The following NAA35 variants were observed in gnomAD, a reference collection of about 807,000 sequenced individuals.
NAA35 encodes the protein MAK10 homolog, amino-acid N-acetyltransferase subunit.
A neutral mutation model predicts 101.7 loss-of-function variants in NAA35; 18 were observed. The ratio of observed to expected loss-of-function variants is 0.18; its 90% CI spans 0.12 to 0.26. NAA35 has a LOEUF of 0.26. NAA35 is among the 10% of genes least tolerant of loss of function. The pLI is 1.00. For missense variants in NAA35, 601 were observed against 886.8 expected, an observed-to-expected ratio of 0.68 and a Z score of 4.09; for synonymous variants, 267 against 273.1, an observed-to-expected ratio of 0.98 and a Z score of 0.22.
chr9:85,957,199 A>G (rs571576703), intron 3 of NAA35, among the ~76,000 whole-genome samples: 1 of 152,352 alleles, frequency 6.6e-6, no homozygotes, highest in African/African-American at 2.4e-5. Flanking sequence ...TTTGTATGTC[A>G]TATGTGCCAT....
rs1168793456 is a variant in NAA35, at chr9:86,023,379, CAAAA to C, written c.*1423_*1426del. Among the ~76,000 whole-genome samples the C allele has an allele frequency of 4.6e-5, 7 of 151,152 alleles. No homozygotes were observed. Among genetic ancestry groups the C allele is most frequent in the Non-Finnish European group, 1.0e-4 (7 of 67,800 alleles). The stretch of plus-strand genomic sequence containing the variant: ...GCTGGTAATTACTGAATGCTTTAAA[CAAAA>C]AAAGGCAAAGGAATGGTAGGAAATA... On this transcript the variant is annotated 3_prime_UTR_variant, in exon 23 of 23. Coordinates refer to ENST00000361671, the MANE Select transcript of NAA35 (RefSeq NM_024635.4).
intron 15 of NAA35, among the ~76,000 whole-genome samples, chr9:86,010,605 C>T (rs1466746075): frequency 2.3e-4 from 32 of 138,010 alleles, no homozygotes; most frequent in African/African-American, 6.6e-4. Flanking sequence ...GACGGTGTCT[C>T]GCTCTGTGGC....
intron 2 of NAA35, among the ~76,000 whole-genome samples, chr9:85,949,483 C>A (rs943080264): frequency 2.6e-5 from 4 of 151,612 alleles, no homozygotes; most frequent in Admixed American, 2.0e-4. Flanking sequence ...TTAGTAGAGA[C>A]GGGGTTTCAC....
At chr9:86,017,311 G>A (rs1423408276) in intron 18 of NAA35, among the ~76,000 whole-genome samples, 187 bp from the exon 19 acceptor site, 2 of 152,086 alleles carry the variant, frequency 1.3e-5, no homozygotes, top group Non-Finnish European at 2.9e-5. Context: ...TAGCTATTTG[G>A]GGACATGATT....
At chr9:85,981,401 C>T (rs1424253316) in intron 11 of NAA35, among the ~76,000 whole-genome samples, 1 of 152,122 alleles carries the variant, frequency 6.6e-6, no homozygotes, top group Non-Finnish European at 1.5e-5. Context: ...AAGAATCTTC[C>T]AGATGATTGG....
At chr9:85,964,364 C>T (rs561037107) in intron 6 of NAA35, among the ~76,000 whole-genome samples, 23 of 152,148 alleles carry the variant, frequency 1.5e-4, no homozygotes, top group Non-Finnish European at 2.2e-4. Flanking sequence ...AAGCCTTCTT[C>T]GCTGTGACAC....
At position 85,996,656 on chromosome 9, in the gene NAA35, G is replaced by T. The variant is rs1831173391; in HGVS notation, c.1056+79G>T. 16 of 1,136,180 alleles carry T rather than the reference G, an allele frequency of 1.4e-5. No homozygotes were observed. The East Asian group carries it at 3.7e-4, about 26-fold the overall frequency. The allele number at this position is 1,136,180 out of a possible 1,614,324, so 70.4% of individuals were successfully genotyped here. On this transcript the variant is annotated intron_variant, in intron 12 of 22. Coordinates refer to ENST00000361671, the MANE Select transcript of NAA35 (RefSeq NM_024635.4). ...CATAATAATTGTACATATTTATGTGGTAACTTTGGTTTAACAACAGAATAA... is the reference window on the plus strand; with the variant it reads ...CATAATAATTGTACATATTTATGTGTTAACTTTGGTTTAACAACAGAATAA...
intron 22 of NAA35, among the ~76,000 whole-genome samples, chr9:86,021,424 G>A (rs1832548521): frequency 6.6e-6 from 1 of 152,170 alleles, no homozygotes; most frequent in Non-Finnish European, 1.5e-5. Flanking sequence ...CTGCGCTGTG[G>A]AGAGGCCAGC....
chr9:86,013,821 C>G lies in NAA35; in HGVS notation c.1492C>G (p.Arg498Gly). 6.2e-7 allele frequency: 1 copy of G among 1,613,920 alleles called. No homozygotes were observed. Among genetic ancestry groups the G allele is most frequent in the South Asian group, 1.1e-5 (1 of 91,076 alleles). The change falls in exon 17 of 23, where the codon CGC (arginine) becomes GGC (glycine). Residue 498 changes from arginine to glycine, a missense_variant. Coordinates refer to ENST00000361671, the MANE Select transcript of NAA35 (RefSeq NM_024635.4). ...LGTWVLYHNL[R>G]IMIQYLLSGF... is the part of the protein sequence containing the mutation. ...TACCTGGGTCCTTTACCATAACCTT[C>G]GCATTATGATACAGTACCTTCTAAG...
chr9:86,007,513 A>G (rs540892378), intron 14 of NAA35, 49 bp downstream of exon 14: 4 of 1,397,718 alleles, frequency 2.9e-6, no homozygotes, highest in Non-Finnish European at 2.0e-6. Flanking sequence ...CTCCTTTAAA[A>G]GCCCAACTTC....
At chr9:85,985,924 C>T (rs1830628558) in intron 11 of NAA35, among the ~76,000 whole-genome samples, 1 of 152,116 alleles carries the variant, frequency 6.6e-6, no homozygotes, top group African/African-American at 2.4e-5. Context: ...GGAAGATGTG[C>T]TCCATTAAAA....
In NAA35 at chr9:86,018,372, C is replaced by A; in HGVS notation, c.1891C>A (p.Pro631Thr). 6.2e-7 allele frequency: 1 copy of A among 1,613,520 alleles called. No individual in the cohort carries two copies. The highest frequency in any genetic ancestry group is 1.1e-5 in the South Asian group (1 of 91,024). The change falls in exon 20 of 23, where the codon CCA (proline) becomes ACA (threonine). Residue 631 changes from proline to threonine, a missense_variant. Around this residue, in one of 8 missense-constraint regions of NAA35, gnomAD observed 90 missense variants for 108.7 expected, o/e 0.83. Coordinates refer to ENST00000361671, the MANE Select transcript of NAA35 (RefSeq NM_024635.4). ...APFNSVMTPP[P>T]VHYLQFKEMS... ...ATTCAACAGTGTGATGACCCCGCCG[C>A]CAGTGCACTACTTACAGTTCAAGGT... is the stretch of plus-strand genomic sequence containing the variant.
chr9:85,965,435 C>A lies in NAA35; in HGVS notation c.516+3255C>A, dbSNP rs189187456. On this transcript the variant is annotated intron_variant, in intron 6 of 22. Transcript: ENST00000361671. ...TTGAGCTGAGGAGTTCGAGGCCAGC[C>A]TAGGCAACATATCCAGACCCTGTCT... Among the ~76,000 whole-genome samples, 41 of 152,190 alleles carry A rather than the reference C, an allele frequency of 2.7e-4. No individual in the cohort carries two copies. The East Asian group carries it at 5.2e-3, about 19-fold the overall frequency.
intron 2 of NAA35, among the ~76,000 whole-genome samples, chr9:85,952,926 T>C (rs1829082583): frequency 6.6e-6 from 1 of 152,202 alleles, no homozygotes; most frequent in African/African-American, 2.4e-5. Context: ...ATTTACCATC[T>C]TAGGCCAGGC....
intron 17 of NAA35, among the ~76,000 whole-genome samples, chr9:86,015,170 T>TA (rs1832146838): frequency 1.3e-5 from 2 of 152,220 alleles, no homozygotes; most frequent in African/African-American, 4.8e-5. Context: ...TATTTTTATA[T>TA]GCTTTTTTGC....
intron 11 of NAA35, chr9:85,986,739 C>A (rs192115757): frequency 3.6e-6 from 1 of 274,004 alleles, no homozygotes; most frequent in East Asian, 1.4e-4. Context: ...TGCCTGTCAC[C>A]ATGCCCGGCT....
At chr9:85,989,240 AG>A in intron 11 of NAA35, among the ~76,000 whole-genome samples, 1 of 152,296 alleles carries the variant, frequency 6.6e-6, no homozygotes, top group East Asian at 1.9e-4. Context: ...TGGGAGGCCA[AG>A]GTGGGCGGAT....
chr9:85,959,387 A>AC (rs1248246255), intron 4 of NAA35, among the ~76,000 whole-genome samples: 1 of 151,366 alleles, frequency 6.6e-6, no homozygotes, highest in African/African-American at 2.4e-5. Context: ...AAAAAAAAAA[A>AC]AACAAAAAAA....
chr9:85,965,138 T>G (rs1218768918), intron 6 of NAA35, among the ~76,000 whole-genome samples: 1 of 152,202 alleles, frequency 6.6e-6, no homozygotes, highest in Non-Finnish European at 1.5e-5. Flanking sequence ...TGTGGTGATA[T>G]CTATCATAAT....
Sources: gnomAD v4.1 joint callset for allele counts (sites outside exome capture counted in the v4.1 genomes callset) on GRCh38, gnomAD v4.1.1 for gene constraint, gnomAD v4.1.1 regional missense constraint, MANE v1.5 for transcripts, NCBI Gene and HGNC (gene_info 2026-07-23, HGNC 2026-07-21) for gene names.